SSBP2: variants seen among roughly 807,000 people sequenced by gnomAD.
SSBP2 encodes the protein single stranded DNA binding protein 2.
In SSBP2, 17 loss-of-function variants were observed where a neutral mutation model predicts 61.8. That is an observed-to-expected ratio of 0.28 (90% CI 0.19 to 0.41). SSBP2 has a LOEUF of 0.41. Ranked by LOEUF, SSBP2 falls within the 10% of genes least tolerant of loss-of-function variation. The probability of loss-of-function intolerance (pLI) is 1.00; values close to 1 mark genes in which losing one functional copy is unlikely to be tolerated. For synonymous variants in SSBP2, 139 were observed against 141.3 expected (o/e 0.98, Z 0.12); for missense variants, 310 against 458.7 (o/e 0.68, Z 2.96).
chr5:81,493,978 C>T (rs1767099977), intron 5 of SSBP2, among the ~76,000 whole-genome samples: 1 of 152,146 alleles, frequency 6.6e-6, no homozygotes, highest in Non-Finnish European at 1.5e-5. Flanking sequence ...ATAAAAATGA[C>T]TACCCGCTGA....
chr5:81,436,184 T>TCAAAAAAAAAAAAAAAA (rs1762666809), intron 15 of SSBP2, among the ~76,000 whole-genome samples: 1 of 31,308 alleles, frequency 3.2e-5, no homozygotes. Flanking sequence ...CAAGACTCCA[T>TCAAAAAAAAAAAAAAAA]CAAAAAAAAA....
intron 1 of SSBP2, among the ~76,000 whole-genome samples, chr5:81,696,952 G>A (rs369330928): frequency 6.6e-6 from 1 of 152,174 alleles, no homozygotes; most frequent in East Asian, 1.9e-4. Flanking sequence ...TGGGCACAGG[G>A]AGAAGTCCAA....
intron 14 of SSBP2, among the ~76,000 whole-genome samples, chr5:81,438,742 T>C (rs1762827662): frequency 6.6e-6 from 1 of 152,184 alleles, no homozygotes; most frequent in Non-Finnish European, 1.5e-5. Context: ...CCAAATATCA[T>C]CTTTTTGTGA....
At chr5:81,749,011 A>AC (rs1322560087) in intron 1 of SSBP2, among the ~76,000 whole-genome samples, 3 of 152,106 alleles carry the variant, frequency 2.0e-5, no homozygotes, top group African/African-American at 4.8e-5. Context: ...AAATTCAGTC[A>AC]CCCCCAAAAT....
Position 81,615,482 on chromosome 5 carries a change from G to A in SSBP2, c.273C>T (p.Phe91=). ...TTATATGTTAACTTACGTAATCATG[G>A]AAGGCTTTTGCTTCACTTGAGTGTT... is the stretch of plus-strand genomic sequence containing the variant. Residue 91 remains phenylalanine, a synonymous_variant, in exon 4 of 17, where the codon TTC becomes TTT. Coordinates refer to ENST00000320672, the MANE Select transcript of SSBP2 (RefSeq NM_012446.5). 1 of 1,612,738 alleles carries A rather than the reference G, an allele frequency of 6.2e-7. No homozygotes were observed. Among genetic ancestry groups the A allele is most frequent in the Non-Finnish European group, 8.5e-7 (1 of 1,178,994 alleles).
chr5:81,637,447 G>A (rs914483113), intron 2 of SSBP2, among the ~76,000 whole-genome samples: 14 of 152,140 alleles, frequency 9.2e-5, no homozygotes, highest in Admixed American at 3.3e-4. Flanking sequence ...AACACTCAGC[G>A]TGCTTTTAAT....
At chr5:81,502,237 C>T (rs1466315267) in intron 5 of SSBP2, among the ~76,000 whole-genome samples, 1 of 152,176 alleles carries the variant, frequency 6.6e-6, no homozygotes, top group Non-Finnish European at 1.5e-5. Flanking sequence ...GAGCCATTGA[C>T]TAATTTGACC....
At chr5:81,534,924 T>C (rs903741523) in intron 4 of SSBP2, among the ~76,000 whole-genome samples, 15 of 150,614 alleles carry the variant, frequency 1.0e-4, no homozygotes, top group African/African-American at 2.9e-4. Flanking sequence ...TTGCAGAAAA[T>C]AGAAGATAAA....
At chr5:81,510,260 C>G (rs1768493416) in intron 5 of SSBP2, among the ~76,000 whole-genome samples, 3 of 152,200 alleles carry the variant, frequency 2.0e-5, no homozygotes, top group Non-Finnish European at 4.4e-5. Context: ...GGAACCTCAT[C>G]TGTCCCACCT....
intron 1 of SSBP2, among the ~76,000 whole-genome samples, chr5:81,658,966 C>T (rs1270595356): frequency 6.6e-6 from 1 of 152,190 alleles, no homozygotes; most frequent in Non-Finnish European, 1.5e-5. Context: ...TAAAATTCAA[C>T]ATCTCATGTT....
intron 1 of SSBP2, among the ~76,000 whole-genome samples, chr5:81,679,731 T>G (rs973738468): frequency 2.0e-5 from 3 of 152,196 alleles, no homozygotes; most frequent in African/African-American, 7.2e-5. Flanking sequence ...ATGGTAAATA[T>G]TAATCCAACT....
intron 1 of SSBP2, among the ~76,000 whole-genome samples, chr5:81,731,825 TAATA>T (rs1756286995): frequency 6.6e-6 from 1 of 150,856 alleles, no homozygotes; most frequent in Admixed American, 6.6e-5. Context: ...AATATTGTTA[TAATA>T]AATTATATTA....
chr5:81,488,010 A>AATTAATATAT (rs1766513494), intron 6 of SSBP2, among the ~76,000 whole-genome samples: 2 of 38,934 alleles, frequency 5.1e-5, no homozygotes, highest in Non-Finnish European at 1.0e-4. Context: ...ATGGCCAAAT[A>AATTAATATAT]ATATATATAT....
chr5:81,611,011 A>G (rs1280601989), intron 4 of SSBP2, among the ~76,000 whole-genome samples: 7 of 152,214 alleles, frequency 4.6e-5, no homozygotes, highest in African/African-American at 1.4e-4. Context: ...AAACAAACAA[A>G]GAAACAAAAA....
At chr5:81,446,700 G>A (rs1311847787) in intron 12 of SSBP2, among the ~76,000 whole-genome samples, 168 bp downstream of exon 12, 3 of 152,128 alleles carry the variant, frequency 2.0e-5, no homozygotes, top group African/African-American at 7.2e-5. Context: ...ATGCTTAACT[G>A]GATAATACTT....
chr5:81,653,447 C>CT (rs1749931617), intron 1 of SSBP2, among the ~76,000 whole-genome samples: 1 of 152,112 alleles, frequency 6.6e-6, no homozygotes, highest in South Asian at 2.1e-4. Flanking sequence ...ATTCATAATC[C>CT]TTTGGATATA....
intron 10 of SSBP2, among the ~76,000 whole-genome samples, chr5:81,457,635 C>A (rs548678441): frequency 6.6e-6 from 1 of 152,074 alleles, no homozygotes; most frequent in Non-Finnish European, 1.5e-5. Flanking sequence ...TCATGTGCCT[C>A]CTGAAATGAT....
At chr5:81,742,836 C>T (rs1192635953) in intron 1 of SSBP2, among the ~76,000 whole-genome samples, 1 of 151,970 alleles carries the variant, frequency 6.6e-6, no homozygotes, top group Admixed American at 6.6e-5. Context: ...GCCGAGATTG[C>T]GCCACTTCAC....
At chr5:81,658,602 C>T (rs925818877) in intron 1 of SSBP2, among the ~76,000 whole-genome samples, 3 of 151,652 alleles carry the variant, frequency 2.0e-5, no homozygotes, top group Non-Finnish European at 4.4e-5. Flanking sequence ...ATTTTTTATC[C>T]TTGAATGCAG....
Sources: gnomAD v4.1 joint callset for allele counts (sites outside exome capture counted in the v4.1 genomes callset) on GRCh38, gnomAD v4.1.1 for gene constraint, MANE v1.5 for transcripts, NCBI Gene and HGNC (gene_info 2026-07-23, HGNC 2026-07-21) for gene names.